RAB11FIP4: variants seen among roughly 807,000 people sequenced by gnomAD.
The protein encoded by RAB11FIP4 is rab11 family-interacting protein 4.
In RAB11FIP4, 23 loss-of-function variants were observed where a neutral mutation model predicts 74.3. That is an observed-to-expected ratio of 0.31 (90% CI 0.22 to 0.44). The LOEUF is 0.44. RAB11FIP4 is among the 20% of genes least tolerant of loss of function. RAB11FIP4 has a pLI of 1.00. For missense variants in RAB11FIP4, 630 were observed against 863.9 expected (o/e 0.73, Z 3.39); for synonymous variants, 360 against 359.9 (o/e 1.00, Z 0.00).
intron 3 of RAB11FIP4, among the ~76,000 whole-genome samples, chr17:31,457,552 G>T (rs1438659139): frequency 6.6e-6 from 1 of 152,064 alleles, no homozygotes; most frequent in Non-Finnish European, 1.5e-5. Flanking sequence ...TTTCTCCGGG[G>T]TGGGGCGGGA....
chr17:31,411,268 G>A (rs760207623), intron 1 of RAB11FIP4, among the ~76,000 whole-genome samples: 4 of 152,206 alleles, frequency 2.6e-5, no homozygotes, highest in Non-Finnish European at 5.9e-5. Flanking sequence ...GGAGGCTGAG[G>A]CAGGAGAATA....
intron 3 of RAB11FIP4, among the ~76,000 whole-genome samples, chr17:31,507,547 T>G (rs1339642992): frequency 1.3e-5 from 2 of 152,184 alleles, no homozygotes; most frequent in Admixed American, 6.5e-5. Flanking sequence ...GAATTATTTG[T>G]TTTTTTGCTA....
chr17:31,394,791 G>T lies in RAB11FIP4; in HGVS notation c.159+2780G>T, dbSNP rs900321979. ...AGGGCAGGACCATGGACAGGGCCCC[G>T]AGGCACTTGTAGGGGTGGTTTTCGG... On this transcript the variant is annotated intron_variant, in intron 1 of 14. Coordinates refer to ENST00000621161, the MANE Select transcript of RAB11FIP4 (RefSeq NM_032932.6). Among the ~76,000 whole-genome samples, 2 of 152,092 alleles carry T rather than the reference G, an allele frequency of 1.3e-5. 1 individual carries two copies. The highest frequency in any genetic ancestry group is 4.1e-4 in the South Asian group (2 of 4,834).
At position 31,537,249 on chromosome 17, in the gene RAB11FIP4, C is replaced by A. The variant is rs1280310032; in HGVS notation, c.*5517C>A. ...CGAGCCCTGTAAATGTGTACTTTTT[C>A]AACGTGCCTCCCCCAGGTGAGGCCA... On this transcript the variant is annotated 3_prime_UTR_variant, in exon 15 of 15. Transcript: ENST00000621161. 2 of 399,046 alleles carry A rather than the reference C, an allele frequency of 5.0e-6. No individual in the cohort carries two copies. The highest frequency in any genetic ancestry group is 8.8e-6 in the Non-Finnish European group (2 of 226,142). The allele number at this position is 399,046 out of a possible 1,614,324, so 24.7% of individuals were successfully genotyped here.
chr17:31,492,774 G>A (rs1235368829), intron 3 of RAB11FIP4, among the ~76,000 whole-genome samples: 2 of 152,202 alleles, frequency 1.3e-5, no homozygotes, highest in Non-Finnish European at 2.9e-5. Flanking sequence ...TCAAGGCTGA[G>A]TGGATGCTGG....
At chr17:31,510,186 G>A (rs968714840) in intron 3 of RAB11FIP4, among the ~76,000 whole-genome samples, 73 of 152,204 alleles carry the variant, frequency 4.8e-4, no homozygotes, top group Non-Finnish European at 9.7e-4. Flanking sequence ...CTATGAGTTA[G>A]CTCAGTAAGC....
At chr17:31,431,721 T>TACCA in intron 1 of RAB11FIP4, 92 bp from the exon 2 acceptor site, 1 of 735,748 alleles carries the variant, frequency 1.4e-6, no homozygotes. Flanking sequence ...GACACTGGTG[T>TACCA]CCCTCCCTCC....
intron 11 of RAB11FIP4, 61 bp from the exon 12 acceptor site, chr17:31,528,345 C>T: frequency 1.9e-6 from 3 of 1,574,664 alleles, no homozygotes; most frequent in Non-Finnish European, 2.6e-6. Flanking sequence ...AGGGACACCC[C>T]TGGACATAGT....
At position 31,517,782 on chromosome 17, in the gene RAB11FIP4, C is replaced by T. The variant is rs2072587126; in HGVS notation, c.468C>T (p.Asp156=). 6.4e-7 allele frequency: 1 copy of T among 1,561,490 alleles called. No individual in the cohort carries two copies. Among genetic ancestry groups the T allele is most frequent in the Admixed American group, 1.9e-5 (1 of 51,628 alleles). ...PPEGPQELYT[D]SPMESTQSLE... is the part of the protein sequence containing the mutation. ...AGGGCCCCCAGGAGTTGTACACAGA[C>T]AGCCCCATGGAGAGCACTCAGAGCC... The change falls in exon 4 of 15, where the codon GAC becomes GAT. Residue 156 remains aspartate (D), a synonymous_variant. Transcript: ENST00000621161.
chr17:31,506,384 C>A (rs2343243), intron 3 of RAB11FIP4, among the ~76,000 whole-genome samples: 29,649 of 152,040 alleles, frequency 0.2, 3,217 homozygotes, highest in Middle Eastern at 0.26. Context: ...CTTGTCATTT[C>A]TTTGTGGTGA....
At chr17:31,524,029 G>C in intron 9 of RAB11FIP4, 33 bp downstream of exon 9, 1 of 1,502,740 alleles carries the variant, frequency 6.7e-7, no homozygotes, top group South Asian at 1.2e-5. Flanking sequence ...GGGCTCGGCC[G>C]TGACGCTGGG....
chr17:31,503,355 A>G (rs1383628882), intron 3 of RAB11FIP4, among the ~76,000 whole-genome samples: 2 of 149,736 alleles, frequency 1.3e-5, no homozygotes, highest in African/African-American at 5.1e-5. Context: ...CTCTTTAAAG[A>G]CTATCTACAA....
At chr17:31,517,521 GT>G (rs1213417090) in intron 3 of RAB11FIP4, 129 bp from the exon 4 acceptor site, 7 of 807,580 alleles carry the variant, frequency 8.7e-6, no homozygotes, top group Non-Finnish European at 1.4e-5. Flanking sequence ...CACGCTTAGG[GT>G]TCGGGATCTG....
At chr17:31,495,660 C>T (rs549516926) in intron 3 of RAB11FIP4, among the ~76,000 whole-genome samples, 1 of 152,326 alleles carries the variant, frequency 6.6e-6, no homozygotes, top group South Asian at 2.1e-4. Context: ...CCATGCTTGA[C>T]TCGTCTGACT....
At chr17:31,499,954 A>G (rs1159685888) in intron 3 of RAB11FIP4, among the ~76,000 whole-genome samples, 1 of 152,118 alleles carries the variant, frequency 6.6e-6, no homozygotes, top group Non-Finnish European at 1.5e-5. Context: ...TGTGGAAGCA[A>G]TTTAAGTTCT....
At chr17:31,455,098 T>A (rs1044969581) in intron 3 of RAB11FIP4, among the ~76,000 whole-genome samples, 1 of 152,310 alleles carries the variant, frequency 6.6e-6, no homozygotes, top group South Asian at 2.1e-4. Flanking sequence ...AAAGACAGAT[T>A]AATAGAAAAA....
chr17:31,436,620 C>T (rs1189531305), intron 3 of RAB11FIP4, among the ~76,000 whole-genome samples: 3 of 152,114 alleles, frequency 2.0e-5, no homozygotes, highest in Non-Finnish European at 4.4e-5. Context: ...TGCTTTCCTC[C>T]AAAGTCTAGA....
At position 31,417,355 on chromosome 17, in the gene RAB11FIP4, C is replaced by T. The variant is rs74403386; in HGVS notation, c.160-14458C>T. Among the ~76,000 whole-genome samples, 12 of 152,296 alleles carry T rather than the reference C, an allele frequency of 7.9e-5. No homozygotes were observed. The East Asian group carries it at 1.5e-3, about 20-fold the overall frequency. ...CCACGTGGGTTCAAAAGGCACTTCC[C>T]GGCCTGCTGCAGGGAGTCTCCAGGT... On this transcript the variant is annotated intron_variant, in intron 1 of 14. Coordinates refer to ENST00000621161, the MANE Select transcript of RAB11FIP4 (RefSeq NM_032932.6).
At chr17:31,465,898 G>C (rs553765644) in intron 3 of RAB11FIP4, 1 of 151,854 alleles carries the variant, frequency 6.6e-6, no homozygotes, top group Admixed American at 6.6e-5. Context: ...ACTTTGGGAG[G>C]CCGAGGCGGG....
Sources: allele counts gnomAD v4.1 joint callset (sites outside exome capture counted in the v4.1 genomes callset), GRCh38; gene constraint gnomAD v4.1.1; transcripts MANE v1.5; gene names NCBI Gene and HGNC (gene_info 2026-07-23, HGNC 2026-07-21).